Variants in UBAP2L observed in about 807,000 individuals in gnomAD.
UBAP2L encodes ubiquitin-associated protein 2-like.
In UBAP2L, 12 loss-of-function variants were observed where a neutral mutation model predicts 130.6. The observed-to-expected ratio is 0.09, with a 90% CI of 0.06 to 0.15. The LOEUF is 0.15. Among genes scored for constraint, UBAP2L ranks in the 10% least tolerant of loss-of-function variants. UBAP2L has a pLI of 1.00. For synonymous variants in UBAP2L, 503 were observed against 524.7 expected (o/e 0.96, Z 0.57); for missense variants, 965 against 1,332.5 (o/e 0.72, Z 4.29).
In UBAP2L at chr1:154,255,239, T is replaced by C; in HGVS notation, c.1997T>C (p.Leu666Pro). ...LNETVSAASL[L>P]TTTNQHSSSL... ...GAAACGGTATCTGCAGCTTCCTTAC[T>C]GACGACAACCAATCAGCATTCATCC... The change falls in exon 17 of 27, where the codon CTG becomes CCG. Residue 666 changes from leucine (L) to proline (P), a missense_variant. This residue lies in a region of UBAP2L where 393 missense variants were observed against 408.1 expected (regional missense o/e 0.96). Coordinates refer to ENST00000428931, the MANE Select transcript of UBAP2L (RefSeq NM_014847.4). 1 of 1,614,224 alleles carries C rather than the reference T, an allele frequency of 6.2e-7. No individual in the cohort carries two copies.
chr1:154,266,714 C>T (rs1195410589), intron 25 of UBAP2L, 146 bp downstream of exon 25: 1 of 779,812 alleles, frequency 1.3e-6, no homozygotes, highest in African/African-American at 2.1e-5. Context: ...AAGGTCTTCT[C>T]TAGACTTCAC....
chr1:154,244,562 G>A (rs957772017), intron 10 of UBAP2L, among the ~76,000 whole-genome samples: 15 of 152,068 alleles, frequency 9.9e-5, no homozygotes, highest in African/African-American at 3.6e-4. Flanking sequence ...AGTAGAGGCA[G>A]CGTTTCACCA....
intron 4 of UBAP2L, among the ~76,000 whole-genome samples, chr1:154,230,868 C>T (rs1424246638): frequency 6.6e-6 from 1 of 152,172 alleles, no homozygotes; most frequent in Non-Finnish European, 1.5e-5. Flanking sequence ...TTTCTCCTGA[C>T]CCATCTTGTG....
At position 154,269,435 on chromosome 1, in the gene UBAP2L, T is replaced by C; in HGVS notation, c.3168+481T>C. The C allele has an allele frequency of 3.1e-6, 4 of 1,305,864 alleles. 1 individual carries two copies. The highest frequency in any genetic ancestry group is 4.3e-4 in the Middle Eastern group (2 of 4,698). 80.9% of individuals were successfully genotyped at this position (1,305,864 alleles called of 1,614,324 possible). A position where few individuals can be genotyped will look rare whatever the true frequency, so the allele number is the denominator to read the frequency against. ...CAGGTAATGAAATTGAATGATCATATGCTTGAACCCACTCCTTTTCAGTCC... is the reference window on the plus strand; with the variant it reads ...CAGGTAATGAAATTGAATGATCATACGCTTGAACCCACTCCTTTTCAGTCC... On this transcript the variant is annotated intron_variant, in intron 26 of 26. Coordinates refer to ENST00000428931, the MANE Select transcript of UBAP2L (RefSeq NM_014847.4).
chr1:154,246,427 A>G, intron 11 of UBAP2L, 52 bp downstream of exon 11: 1 of 1,556,394 alleles, frequency 6.4e-7, no homozygotes, highest in Admixed American at 1.8e-5. Flanking sequence ...TAATCCTAGC[A>G]CACATACACA....
chr1:154,239,353 G>GC (rs1410965300), intron 8 of UBAP2L, among the ~76,000 whole-genome samples: 1 of 151,932 alleles, frequency 6.6e-6, no homozygotes, highest in Non-Finnish European at 1.5e-5. Flanking sequence ...GTGCCTAACT[G>GC]CCCCAGATAT....
chr1:154,254,838 T>C lies in UBAP2L; in HGVS notation c.1857T>C (p.Asn619=). 6.3e-7 allele frequency: 1 copy of C among 1,595,964 alleles called. No homozygotes were observed. Among genetic ancestry groups the C allele is most frequent in the Non-Finnish European group, 8.5e-7 (1 of 1,175,132 alleles). ...TCTGTTTTTTTTTTTTTTACCAGAA[T>C]GGCTTCAGTTCTGTGCAGGCCACGC... ...SPQKDLTQAK[N]GFSSVQATQL... The change falls in exon 16 of 27, where the codon AAT becomes AAC. Residue 619 remains asparagine, a splice_region_variant and synonymous_variant. Transcript: ENST00000428931.
rs201979564 is a variant in UBAP2L, at chr1:154,234,507, GTCAA to G, written c.280-80_280-77del. 1.2e-3 allele frequency: 1,683 copies of G among 1,462,758 alleles called. 20 individuals carry two copies. In the African/African-American group the frequency reaches 0.02, roughly 18 times the overall value. 90.6% of individuals were successfully genotyped at this position (1,462,758 alleles called of 1,614,324 possible). On this transcript the variant is annotated intron_variant, in intron 4 of 26. Transcript: ENST00000428931. ...TGGATGCTGAGTGGAGAATGGTTAA[GTCAA>G]TCAGTCATCCCAGCTTTCATCTCTA...
Position 154,268,930 on chromosome 1 carries a change from C to G in UBAP2L, c.3144C>G (p.His1048Gln). The G allele has an allele frequency of 6.2e-7, 1 of 1,613,758 alleles. No homozygotes were observed. ...PHQQPHSQIL[H>Q]HHLQQDGQTG... ...AGCAGCCGCATTCTCAGATCCTTCA[C>G]CATCACCTGCAGCAGGATGGCCAGG... The change falls in exon 26 of 27, where the codon CAC becomes CAG. Residue 1048 changes from histidine (H) to glutamine (Q), a missense_variant. Transcript: ENST00000428931.
chr1:154,225,155 G>A lies in UBAP2L; in HGVS notation c.32G>A (p.Arg11Gln). Residue 11 changes from arginine (R) to glutamine (Q), a missense_variant, in exon 2 of 27, where the codon CGG (arginine) becomes CAG (glutamine). Around this residue, in one of 9 missense-constraint regions of UBAP2L, gnomAD observed 24 missense variants for 27.7 expected, o/e 0.87. Coordinates refer to ENST00000428931, the MANE Select transcript of UBAP2L (RefSeq NM_014847.4). The stretch of plus-strand genomic sequence containing the variant: ...ACATCGGTGGGCACTAACCGAGCCC[G>A]GGGAAACTGGGAACAACCTCAAAAC... The part of the protein sequence containing the change: MMTSVGTNRA[R>Q]GNWEQPQNQN... The A allele has an allele frequency of 4.3e-6, 7 of 1,613,872 alleles. No individual in the cohort carries two copies. The highest frequency in any genetic ancestry group is 2.2e-5 in the South Asian group (2 of 91,066).
intron 5 of UBAP2L, 35 bp from the exon 6 acceptor site, chr1:154,235,161 T>C (rs572056717): frequency 4.1e-6 from 3 of 730,556 alleles, no homozygotes; most frequent in South Asian, 3.0e-5. Context: ...GTTTTTTTGT[T>C]GTTGTTGTTG....
chr1:154,270,382 G>A lies in UBAP2L; in HGVS notation c.*87G>A. On this transcript the variant is annotated 3_prime_UTR_variant, in exon 27 of 27. Transcript: ENST00000428931. ...GAAACAGCATCAAAGAGAAAGGAATGTGGGGGGTTTCCGCTGCCCCCCACC... is the reference window on the plus strand; with the variant it reads ...GAAACAGCATCAAAGAGAAAGGAATATGGGGGGTTTCCGCTGCCCCCCACC... 1 of 1,579,910 alleles carries A rather than the reference G, an allele frequency of 6.3e-7. No individual in the cohort carries two copies. Among genetic ancestry groups the A allele is most frequent in the Non-Finnish European group, 8.6e-7 (1 of 1,165,936 alleles).
In UBAP2L at chr1:154,253,953, G is replaced by A. The variant is rs1176543098; in HGVS notation, c.1718G>A (p.Ser573Asn). The A allele has an allele frequency of 6.2e-7, 1 of 1,614,020 alleles. No homozygotes were observed. Among genetic ancestry groups the A allele is most frequent in the Non-Finnish European group, 8.5e-7 (1 of 1,180,022 alleles). Residue 573 changes from serine (S) to asparagine (N), a missense_variant, in exon 15 of 27, where the codon AGC becomes AAC. Physicochemically the swap from Ser to Asn is conservative, Grantham distance 46. Coordinates refer to ENST00000428931, the MANE Select transcript of UBAP2L (RefSeq NM_014847.4). ...CAGAGTCAGGAGTCTGGTTATCAGAGCGGCCCAATTCAGTCGACAACCTAT... is the reference window on the plus strand; with the variant it reads ...CAGAGTCAGGAGTCTGGTTATCAGAACGGCCCAATTCAGTCGACAACCTAT... ...SNQSQESGYQ[S>N]GPIQSTTYTS...
chr1:154,220,314 C>T, upstream of UBAP2L: 1 of 1,613,540 alleles, frequency 6.2e-7, no homozygotes, highest in South Asian at 1.1e-5. Flanking sequence ...GATGCGACAG[C>T]AGGAATGGGG....
intron 21 of UBAP2L, 103 bp downstream of exon 21, chr1:154,259,133 C>A: frequency 9.7e-7 from 1 of 1,030,830 alleles, no homozygotes; most frequent in Non-Finnish European, 1.5e-6. Flanking sequence ...CCCAGCCCTC[C>A]ATACACTCTG....
At chr1:154,266,244 C>G (rs1339911147) in intron 24 of UBAP2L, among the ~76,000 whole-genome samples, 1 of 152,108 alleles carries the variant, frequency 6.6e-6, no homozygotes, top group Non-Finnish European at 1.5e-5. Context: ...TTGGTCATAT[C>G]CCCTTGCCCA....
At chr1:154,235,323 G>T in intron 6 of UBAP2L, 32 bp downstream of exon 6, 1 of 733,754 alleles carries the variant, frequency 1.4e-6, no homozygotes, top group East Asian at 2.5e-5. Flanking sequence ...GGATATTGGG[G>T]GCAGGTTACT....
intron 18 of UBAP2L, among the ~76,000 whole-genome samples, chr1:154,256,176 C>A (rs1170463873): frequency 6.6e-6 from 1 of 152,110 alleles, no homozygotes; most frequent in Non-Finnish European, 1.5e-5. Context: ...GTCCAAGAGT[C>A]AATTTTATTG....
intron 1 of UBAP2L, among the ~76,000 whole-genome samples, chr1:154,222,900 C>G (rs896023437): frequency 2.0e-5 from 3 of 152,132 alleles, no homozygotes; most frequent in Non-Finnish European, 4.4e-5. Flanking sequence ...GTGTTGAAAC[C>G]TCTGTTTACT....
Sources: gnomAD v4.1 joint callset for allele counts (sites outside exome capture counted in the v4.1 genomes callset) on GRCh38, gnomAD v4.1.1 for gene constraint, gnomAD v4.1.1 regional missense constraint, MANE v1.5 for transcripts, NCBI Gene and HGNC (gene_info 2026-07-23, HGNC 2026-07-21) for gene names.